Variants in ELMO1 observed in about 807,000 individuals in gnomAD.
ELMO1 encodes engulfment and cell motility protein 1.
ELMO1 carries 26 observed loss-of-function variants against 98.9 expected under a neutral mutation model. The observed-to-expected ratio is 0.26, with a 90% CI of 0.19 to 0.36. The LOEUF is 0.36. ELMO1 is among the 10% of genes least tolerant of loss of function. ELMO1 has a pLI of 1.00. For missense variants in ELMO1, 627 were observed against 935.2 expected (o/e 0.67, Z 4.30); for synonymous variants, 346 against 346.0 (o/e 1.00, Z 0.00).
At chr7:37,127,964 G>A (rs756090235) in intron 14 of ELMO1, among the ~76,000 whole-genome samples, 15 of 152,126 alleles carry the variant, frequency 9.9e-5, no homozygotes, top group South Asian at 4.1e-4. Context: ...AGGCCAAGGC[G>A]GGCAGATCAT....
At chr7:36,871,653 C>A in intron 19 of ELMO1, among the ~76,000 whole-genome samples, 1 of 152,098 alleles carries the variant, frequency 6.6e-6, no homozygotes, top group East Asian at 1.9e-4. Flanking sequence ...AGCTCACATC[C>A]TTTCATTGGG....
intron 15 of ELMO1, among the ~76,000 whole-genome samples, chr7:37,033,865 G>T (rs1203219408): frequency 6.6e-6 from 1 of 152,104 alleles, no homozygotes. Context: ...CAGGGGTGCG[G>T]AATAAAGACA....
At chr7:36,856,412 G>A (rs1430158845) in intron 21 of ELMO1, among the ~76,000 whole-genome samples, 1 of 152,220 alleles carries the variant, frequency 6.6e-6, no homozygotes, top group Non-Finnish European at 1.5e-5. Flanking sequence ...TTGGCTGCCT[G>A]TCTGGGGACC....
chr7:37,232,348 C>T (rs961454165), intron 8 of ELMO1, among the ~76,000 whole-genome samples: 6 of 152,018 alleles, frequency 3.9e-5, no homozygotes, highest in Admixed American at 1.3e-4. Flanking sequence ...TAAACCATTT[C>T]GCAAATACAA....
intron 15 of ELMO1, among the ~76,000 whole-genome samples, chr7:37,094,649 A>G (rs1321361594): frequency 6.6e-6 from 1 of 152,150 alleles, no homozygotes; most frequent in Admixed American, 6.5e-5. Flanking sequence ...CTGGAATTCA[A>G]CCATCTCTTC....
At chr7:37,337,155 G>A (rs1319834223) in intron 2 of ELMO1, among the ~76,000 whole-genome samples, 4 of 152,128 alleles carry the variant, frequency 2.6e-5, no homozygotes, top group Admixed American at 2.0e-4. Flanking sequence ...CAAGCCAAAT[G>A]TCCAACAATG....
chr7:37,208,815 G>C (rs988136242), intron 13 of ELMO1, among the ~76,000 whole-genome samples: 1 of 152,098 alleles, frequency 6.6e-6, no homozygotes, highest in Non-Finnish European at 1.5e-5. Context: ...TCAACTCTCT[G>C]ATGCAAGACT....
chr7:36,995,576 C>A (rs1792151142), intron 16 of ELMO1, among the ~76,000 whole-genome samples: 1 of 151,900 alleles, frequency 6.6e-6, no homozygotes, highest in Admixed American at 6.6e-5. Context: ...ATTTTGCAGG[C>A]TGCTCTACTC....
chr7:36,867,586 G>A (rs1282788512), intron 20 of ELMO1, among the ~76,000 whole-genome samples: 1 of 151,924 alleles, frequency 6.6e-6, no homozygotes, highest in East Asian at 1.9e-4. Flanking sequence ...TTAGTGTCCT[G>A]AGGTGGAAGC....
chr7:37,133,149 T>C lies in ELMO1; in HGVS notation c.1172A>G (p.His391Arg), dbSNP rs2129299813. 2 of 1,611,542 alleles carry C rather than the reference T, an allele frequency of 1.2e-6. No individual in the cohort carries two copies. The highest frequency in any genetic ancestry group is 4.5e-5 in the East Asian group (2 of 44,666). ...GCTTACCCGGATGTAGGCATCTTGG[T>C]GGTGCTTGGCAAAGTACAGCATGTT... ...LDNMLYFAKH[H>R]QDAYIRIVLE... The change falls in exon 14 of 22, where the codon CAC (histidine) becomes CGC (arginine). Residue 391 changes from histidine to arginine, a missense_variant. Physicochemically the swap from His to Arg is conservative, Grantham distance 29. This residue lies in a region of ELMO1 where 492 missense variants were observed against 715.6 expected (regional missense o/e 0.69). Coordinates refer to ENST00000310758, the MANE Select transcript of ELMO1 (RefSeq NM_014800.11).
At chr7:36,882,709 A>G (rs908641378) in intron 18 of ELMO1, among the ~76,000 whole-genome samples, 2 of 152,228 alleles carry the variant, frequency 1.3e-5, no homozygotes, top group Admixed American at 6.5e-5. Context: ...CCTGTTCTTC[A>G]TATGTACAAT....
intron 1 of ELMO1, among the ~76,000 whole-genome samples, chr7:37,356,696 A>AT (rs1801513562): frequency 6.6e-6 from 1 of 152,032 alleles, no homozygotes; most frequent in Non-Finnish European, 1.5e-5. Context: ...CCACCATGGC[A>AT]TGTGTATACC....
At chr7:37,296,285 G>A (rs1171752757) in intron 4 of ELMO1, among the ~76,000 whole-genome samples, 1 of 151,994 alleles carries the variant, frequency 6.6e-6, no homozygotes, top group African/African-American at 2.4e-5. Flanking sequence ...TTTCCCACTG[G>A]CTGTTGGCCA....
At chr7:37,233,680 T>C (rs1047542173) in intron 7 of ELMO1, among the ~76,000 whole-genome samples, 4 of 152,096 alleles carry the variant, frequency 2.6e-5, no homozygotes, top group African/African-American at 9.7e-5. Flanking sequence ...CCCATACACA[T>C]CCAAAGAGAA....
chr7:37,264,233 C>T (rs530694602), intron 5 of ELMO1, among the ~76,000 whole-genome samples: 1 of 152,116 alleles, frequency 6.6e-6, no homozygotes, highest in South Asian at 2.1e-4. Context: ...TGGCATTTAC[C>T]ATGAGTTCAA....
chr7:37,370,840 T>C (rs1272333281), intron 1 of ELMO1, among the ~76,000 whole-genome samples: 2 of 152,182 alleles, frequency 1.3e-5, no homozygotes, highest in African/African-American at 4.8e-5. Context: ...ACAACTACTT[T>C]GGAAACAAGT....
chr7:36,919,981 C>T (rs76198676), intron 16 of ELMO1, among the ~76,000 whole-genome samples: 7,446 of 152,276 alleles, frequency 0.049, 285 homozygotes, highest in South Asian at 0.14. Flanking sequence ...CTTTTGACAT[C>T]AACAGTGGCC....
At chr7:36,932,198 C>A (rs1027597512) in intron 16 of ELMO1, among the ~76,000 whole-genome samples, 4 of 152,174 alleles carry the variant, frequency 2.6e-5, no homozygotes, top group Admixed American at 2.6e-4. Context: ...GGGAAGGGTT[C>A]CCTCATGGTA....
chr7:37,442,400 T>C (rs1805448809), intron 1 of ELMO1, among the ~76,000 whole-genome samples: 1 of 152,196 alleles, frequency 6.6e-6, no homozygotes, highest in Non-Finnish European at 1.5e-5. Context: ...GCAAAAGTTA[T>C]GAGGAGCTGG....
Sources: allele counts gnomAD v4.1 joint callset (sites outside exome capture counted in the v4.1 genomes callset), GRCh38; gene constraint gnomAD v4.1.1; regional missense constraint gnomAD v4.1.1; transcripts MANE v1.5; gene names NCBI Gene and HGNC (gene_info 2026-07-23, HGNC 2026-07-21).